The following UFL1 variants were observed in gnomAD, a reference collection of about 807,000 sequenced individuals.
UFL1 encodes UFM1 specific ligase 1.
Under a neutral mutation model 99.3 loss-of-function variants are expected in UFL1, and 78 were observed. The observed-to-expected ratio is 0.79, with a 90% CI of 0.65 to 0.95. UFL1 has a LOEUF of 0.95. Among genes scored for constraint, UFL1 ranks in the 40% least tolerant of loss-of-function variants. The pLI, the probability that UFL1 is intolerant of heterozygous loss-of-function variation, is 0.00. For missense variants in UFL1, 936 were observed against 937.0 expected (o/e 1.00, Z 0.01); for synonymous variants, 335 against 322.2 (o/e 1.04, Z -0.42).
chr6:96,540,482 CT>C, intron 10 of UFL1, 52 bp from the exon 11 acceptor site: 2 of 1,563,414 alleles, frequency 1.3e-6, no homozygotes, highest in Non-Finnish European at 1.7e-6. Flanking sequence ...AACTTTTATG[CT>C]TTTGGAAATG....
At position 96,536,274 on chromosome 6, in the gene UFL1, G is replaced by T; in HGVS notation, c.686G>T (p.Arg229Leu). 6.2e-7 allele frequency: 1 copy of T among 1,609,628 alleles called. No individual in the cohort carries two copies. Among genetic ancestry groups the T allele is most frequent in the Non-Finnish European group, 8.5e-7 (1 of 1,176,914 alleles). Residue 229 changes from arginine (R) to leucine (L), a missense_variant, in exon 8 of 19, where the codon CGC becomes CTC. Physicochemically the swap from Arg to Leu is moderately radical, Grantham distance 102. Transcript: ENST00000369278. The part of the protein sequence containing the change: ...SVLEELVNSG[R>L]LRGTVVGGRQ... Reference sequence around the variant, plus strand: ...CTTGAGGAACTTGTTAATAGCGGACGCTTACGAGGCACTGTGGTTGGTGGG... The same window carrying T: ...CTTGAGGAACTTGTTAATAGCGGACTCTTACGAGGCACTGTGGTTGGTGGG...
At chr6:96,526,515 A>C in intron 5 of UFL1, 80 bp downstream of exon 5, 1 of 1,078,346 alleles carries the variant, frequency 9.3e-7, no homozygotes, top group South Asian at 1.4e-5. Context: ...GGGGGAAAAA[A>C]AAATGAGACT....
intron 6 of UFL1, among the ~76,000 whole-genome samples, chr6:96,531,198 TC>T (rs1226914200): frequency 6.6e-6 from 1 of 152,170 alleles, no homozygotes; most frequent in Non-Finnish European, 1.5e-5. Flanking sequence ...TGAAACCAGT[TC>T]CTGGTGCTAA....
chr6:96,543,212 A>G (rs1344943668), intron 12 of UFL1, among the ~76,000 whole-genome samples, 196 bp downstream of exon 12: 1 of 151,224 alleles, frequency 6.6e-6, no homozygotes, highest in East Asian at 1.9e-4. Context: ...CTTAAATATT[A>G]GATACAAAGA....
intron 8 of UFL1, among the ~76,000 whole-genome samples, chr6:96,536,615 T>G (rs1449078729): frequency 6.6e-6 from 1 of 151,678 alleles, no homozygotes; most frequent in African/African-American, 2.4e-5. Context: ...ACACTGCGAG[T>G]TTCTGTGGGT....
chr6:96,523,349 C>A, intron 2 of UFL1, 58 bp downstream of exon 2: 3 of 1,465,676 alleles, frequency 2.0e-6, no homozygotes, highest in East Asian at 2.4e-5. Context: ...GCAAAACAAA[C>A]AAACAAAACC....
rs1770099498 is a variant in UFL1, at chr6:96,552,637, C to A, written c.2141C>A (p.Ala714Asp). The change falls in exon 18 of 19, where the codon GCT (alanine) becomes GAT (aspartate). Residue 714 changes from alanine to aspartate, a missense_variant. By Grantham distance (126) the Ala-to-Asp change is moderately radical. Transcript: ENST00000369278. Reference sequence around the variant, plus strand: ...GGAAGATGTGTCCCACAGATCATTGCTTTTCTTAATAGTAAAATTCCAGAG... The same window carrying A: ...GGAAGATGTGTCCCACAGATCATTGATTTTCTTAATAGTAAAATTCCAGAG... ...APGRCVPQII[A>D]FLNSKIPEDQ... 6.3e-7 allele frequency: 1 copy of A among 1,598,402 alleles called. No homozygotes were observed. The highest frequency in any genetic ancestry group is 8.5e-7 in the Non-Finnish European group (1 of 1,175,760).
Position 96,538,776 on chromosome 6 carries a change from T to G in UFL1, c.1124T>G (p.Leu375Arg), listed in dbSNP as rs894906144. ...SEKFINDCTE[L>R]FRELMHQKAE... ...AAATTTATAAATGACTGTACAGAAC[T>G]GTTCCGTGAGCTGATGCACCAGAAA... Residue 375 changes from leucine (L) to arginine (R), a missense_variant, in exon 10 of 19, where the codon CTG (leucine) becomes CGG (arginine). Transcript: ENST00000369278. 6.2e-7 allele frequency: 1 copy of G among 1,608,022 alleles called. No individual in the cohort carries two copies.
intron 2 of UFL1, among the ~76,000 whole-genome samples, chr6:96,524,131 G>A (rs1031213654): frequency 6.6e-6 from 1 of 151,256 alleles, no homozygotes; most frequent in Admixed American, 6.6e-5. Context: ...GCCAATTTGT[G>A]TGCCAGTTGG....
chr6:96,537,233 A>T (rs778999401), intron 8 of UFL1, 141 bp from the exon 9 acceptor site: 4 of 551,582 alleles, frequency 7.3e-6, no homozygotes, highest in Non-Finnish European at 1.2e-5. Context: ...CTTAAGCATG[A>T]TTATTTGGGG....
chr6:96,543,155 A>T (rs1394794309), intron 12 of UFL1, 139 bp downstream of exon 12: 1 of 942,300 alleles, frequency 1.1e-6, no homozygotes, highest in Non-Finnish European at 1.5e-6. Flanking sequence ...AATTTCAGTT[A>T]CCACACTTTA....
chr6:96,549,431 C>T lies in UFL1; in HGVS notation c.1540C>T (p.Leu514Phe), dbSNP rs370996099. ...GCACAGACCTCTTAATAAAACTTAT[C>T]TCGAGGTGGTACGTTCAGTATTCAT... ...YLIKPLNKTY[L>F]EVVRSVFMSS... Residue 514 changes from leucine to phenylalanine, a missense_variant, in exon 14 of 19, where the codon CTC becomes TTC. Coordinates refer to ENST00000369278, the MANE Select transcript of UFL1 (RefSeq NM_015323.5). 6.3e-7 allele frequency: 1 copy of T among 1,595,948 alleles called. No homozygotes were observed.
intron 9 of UFL1, among the ~76,000 whole-genome samples, chr6:96,537,977 G>C (rs975646856): frequency 1.3e-4 from 20 of 151,922 alleles, no homozygotes; most frequent in Admixed American, 4.0e-4. Flanking sequence ...CTGCCCTTCA[G>C]TATGCCAAAA....
intron 1 of UFL1, among the ~76,000 whole-genome samples, chr6:96,522,296 T>C (rs2127947772): frequency 6.6e-6 from 1 of 152,260 alleles, no homozygotes; most frequent in Non-Finnish European, 1.5e-5. Flanking sequence ...ACATCTTGGC[T>C]ATTATACACT....
intron 9 of UFL1, among the ~76,000 whole-genome samples, chr6:96,538,075 T>C (rs532843375): frequency 9.5e-5 from 14 of 148,022 alleles, no homozygotes; most frequent in African/African-American, 3.7e-4. Flanking sequence ...AGAAATTCTC[T>C]GTTTTGGATA....
intron 3 of UFL1, among the ~76,000 whole-genome samples, chr6:96,524,823 A>G (rs1408821651): frequency 6.6e-6 from 1 of 152,194 alleles, no homozygotes; most frequent in Non-Finnish European, 1.5e-5. Context: ...AGCTATTTTC[A>G]AAATATACAA....
At chr6:96,548,556 T>C (rs1384827102) in intron 13 of UFL1, among the ~76,000 whole-genome samples, 3 of 151,538 alleles carry the variant, frequency 2.0e-5, no homozygotes, top group Admixed American at 1.3e-4. Flanking sequence ...TAGGTCTTGG[T>C]TGGGGAGAAA....
In UFL1 at chr6:96,536,248, G is replaced by A. The variant is rs370686307; in HGVS notation, c.660G>A (p.Val220=). 1.9e-6 allele frequency: 3 copies of A among 1,608,420 alleles called. No homozygotes were observed. Among genetic ancestry groups the A allele is most frequent in the African/African-American group, 1.3e-5 (1 of 74,688 alleles). Residue 220 remains valine (V), a synonymous_variant, in exon 8 of 19, where the codon GTG becomes GTA. Transcript: ENST00000369278. Reference sequence around the variant, plus strand: ...TTCATGTGGGTTTGTTTTAAGCTGTGCTTGAGGAACTTGTTAATAGCGGAC... The same window carrying A: ...TTCATGTGGGTTTGTTTTAAGCTGTACTTGAGGAACTTGTTAATAGCGGAC... ...YGFQEQLLYS[V]LEELVNSGRL...
At chr6:96,523,431 G>A in intron 2 of UFL1, 140 bp downstream of exon 2, 1 of 960,304 alleles carries the variant, frequency 1.0e-6, no homozygotes, top group Non-Finnish European at 1.5e-6. Context: ...TGATAATCAG[G>A]CTTAATATTT....
Sources: gnomAD v4.1 joint callset for allele counts (sites outside exome capture counted in the v4.1 genomes callset) on GRCh38, gnomAD v4.1.1 for gene constraint, MANE v1.5 for transcripts, NCBI Gene and HGNC (gene_info 2026-07-23, HGNC 2026-07-21) for gene names.